Variants in PPEF1 observed in about 807,000 individuals in gnomAD.
The protein encoded by PPEF1 is protein phosphatase with EF-hand domain 1, also known as serine/threonine-protein phosphatase with EF-hands 1.
A neutral mutation model predicts 53.3 loss-of-function variants in PPEF1; 12 were observed. The observed-to-expected ratio is 0.23, with a 90% CI of 0.14 to 0.36. The LOEUF (loss-of-function observed/expected upper bound fraction) is 0.36. PPEF1 is among the 10% of genes least tolerant of loss of function. The pLI, the probability that PPEF1 is intolerant of heterozygous loss-of-function variation, is 1.00. For synonymous variants in PPEF1, 165 were observed against 176.7 expected (o/e 0.93, Z 0.52); for missense variants, 334 against 490.4 (o/e 0.68, Z 3.01).
chrX:18,696,411 C>T (rs1225141792), intron 4 of PPEF1, among the ~76,000 whole-genome samples: 2 of 109,239 alleles, frequency 1.8e-5, no homozygotes, highest in Non-Finnish European at 3.8e-5. Flanking sequence ...GCTCAGCCTC[C>T]CAAAGTGCTG....
intron 10 of PPEF1, among the ~76,000 whole-genome samples, chrX:18,793,556 T>A (rs1443514291): frequency 9.0e-6 from 1 of 111,386 alleles, no homozygotes; most frequent in Non-Finnish European, 1.9e-5. Context: ...ACTATATATT[T>A]CACTCTTATT....
At chrX:18,709,507 T>TG (rs1555966039) in intron 1 of PPEF1, among the ~76,000 whole-genome samples, 1 of 107,426 alleles carries the variant, frequency 9.3e-6, no homozygotes, top group African/African-American at 3.4e-5. Flanking sequence ...TTTTTGTTTT[T>TG]TGTTTTTTTT....
At chrX:18,719,267 A>G (rs1332253822) in intron 1 of PPEF1, among the ~76,000 whole-genome samples, 1 of 110,215 alleles carries the variant, frequency 9.1e-6, no homozygotes, top group Non-Finnish European at 1.9e-5. Context: ...GAGTTGGCCT[A>G]TTATTTTGGT....
At chrX:18,691,541 G>A (rs2088182490) in intron 4 of PPEF1, 1 of 111,664 alleles carries the variant, frequency 9.0e-6, no homozygotes, top group Non-Finnish European at 1.9e-5. Flanking sequence ...TAACATGAGA[G>A]GGAGTTGCAT....
At chrX:18,782,277 A>T (rs2046101927) in intron 7 of PPEF1, 89 bp from the exon 8 acceptor site, 1 of 730,262 alleles carries the variant, frequency 1.4e-6, no homozygotes, top group African/African-American at 2.2e-5. Flanking sequence ...TGTGATAGAT[A>T]CTGAGATGCC....
At chrX:18,761,702 G>A (rs987307538) in intron 6 of PPEF1, 126 bp downstream of exon 6, 2 of 448,373 alleles carry the variant, frequency 4.5e-6, no homozygotes, top group Non-Finnish European at 7.3e-6. Context: ...TTTTAACCAG[G>A]AGGCTCAAAG....
upstream of PPEF1, among the ~76,000 whole-genome samples, chrX:18,705,673 C>T (rs1307608920): frequency 1.8e-5 from 2 of 110,990 alleles, no homozygotes; most frequent in African/African-American, 6.6e-5. Context: ...CATGGTTGCG[C>T]CACTGCACTC....
At chrX:18,803,380 A>G (rs1272138706) in intron 10 of PPEF1, among the ~76,000 whole-genome samples, 1 of 112,721 alleles carries the variant, frequency 8.9e-6, no homozygotes, top group African/African-American at 3.2e-5. Flanking sequence ...TATGGCCATC[A>G]TGAACATGTC....
chrX:18,734,898 A>T (rs1157666326), intron 3 of PPEF1, among the ~76,000 whole-genome samples: 1 of 111,877 alleles, frequency 8.9e-6, no homozygotes, highest in Non-Finnish European at 1.9e-5. Flanking sequence ...GCATTTTTTC[A>T]TGTGTCCGTT....
chrX:18,677,456 C>T (rs1203461232), intron 1 of PPEF1, among the ~76,000 whole-genome samples: 2 of 111,859 alleles, frequency 1.8e-5, no homozygotes. Flanking sequence ...CCTACCCTGC[C>T]CCTGAACATG....
intron 3 of PPEF1, among the ~76,000 whole-genome samples, chrX:18,743,043 A>G (rs759188714): frequency 6.1e-4 from 68 of 111,854 alleles, no homozygotes; most frequent in Non-Finnish European, 1.1e-3. Flanking sequence ...AACAAGTCAC[A>G]AGGCCAGACG....
chrX:18,822,364 A>T (rs1230199101), intron 13 of PPEF1, among the ~76,000 whole-genome samples: 2 of 111,308 alleles, frequency 1.8e-5, no homozygotes, highest in African/African-American at 6.5e-5. Flanking sequence ...AAAAAAAAAA[A>T]AAAGACTAGT....
chrX:18,800,473 AAAAG>A (rs1450414993), intron 10 of PPEF1, among the ~76,000 whole-genome samples: 5 of 111,688 alleles, frequency 4.5e-5, no homozygotes, highest in East Asian at 2.8e-4. Flanking sequence ...TATTTGGAAA[AAAAG>A]AAAACAATAT....
chrX:18,722,710 C>G (rs1302749728), intron 1 of PPEF1, among the ~76,000 whole-genome samples: 1 of 111,710 alleles, frequency 9.0e-6, no homozygotes, highest in Non-Finnish European at 1.9e-5. Context: ...AATCCCAGCT[C>G]TTATGGAGAT....
intron 1 of PPEF1, among the ~76,000 whole-genome samples, chrX:18,724,625 T>C (rs1436224239): frequency 8.9e-6 from 1 of 111,893 alleles, no homozygotes; most frequent in Non-Finnish European, 1.9e-5. Flanking sequence ...CATTTATTTA[T>C]TCATTCGTTC....
chrX:18,716,868 C>T (rs1187780147), intron 1 of PPEF1, among the ~76,000 whole-genome samples: 1 of 110,229 alleles, frequency 9.1e-6, no homozygotes, highest in African/African-American at 3.3e-5. Flanking sequence ...CCTCATTTTC[C>T]TCCTCAATGA....
chrX:18,816,453 A>G (rs1234679733), intron 12 of PPEF1, among the ~76,000 whole-genome samples: 1 of 111,991 alleles, frequency 8.9e-6, no homozygotes, highest in Non-Finnish European at 1.9e-5. Context: ...ATGGCCTAGC[A>G]TCGAGTCTAT....
chrX:18,812,874 A>G (rs1180923962), intron 12 of PPEF1, among the ~76,000 whole-genome samples: 1 of 109,558 alleles, frequency 9.1e-6, no homozygotes, highest in East Asian at 2.9e-4. Flanking sequence ...GCCTTACATT[A>G]AAATTAGCTT....
At chrX:18,735,137 T>C (rs1285205339) in intron 3 of PPEF1, among the ~76,000 whole-genome samples, 121 of 111,976 alleles carry the variant, frequency 1.1e-3, no homozygotes, top group Admixed American at 3.3e-3. Flanking sequence ...TTTAATTAGA[T>C]CCCATTTGTC....
Sources: gnomAD v4.1 joint callset for allele counts (sites outside exome capture counted in the v4.1 genomes callset) on GRCh38, gnomAD v4.1.1 for gene constraint, MANE v1.5 for transcripts, NCBI Gene and HGNC (gene_info 2026-07-23, HGNC 2026-07-21) for gene names.